The following IL17RA variants were observed in gnomAD, a reference collection of about 807,000 sequenced individuals.
IL17RA encodes interleukin-17 receptor A.
A neutral mutation model predicts 50.4 loss-of-function variants in IL17RA; 34 were observed. The observed-to-expected ratio is 0.67, with a 90% CI of 0.51 to 0.90. The LOEUF (loss-of-function observed/expected upper bound fraction) is 0.90. IL17RA is among the 40% of genes least tolerant of loss of function. IL17RA has a pLI of 0.00. For synonymous variants in IL17RA, 585 were observed against 510.4 expected, an observed-to-expected ratio of 1.15 and a Z score of -1.97; for missense variants, 1,276 against 1,169.8, an observed-to-expected ratio of 1.09 and a Z score of -1.32.
intron 11 of IL17RA, among the ~76,000 whole-genome samples, chr22:17,106,316 G>C (rs1233520590): frequency 1.3e-5 from 2 of 152,194 alleles, no homozygotes; most frequent in African/African-American, 4.8e-5. Context: ...GACGCCTGGG[G>C]TCAGGGAGAA....
At chr22:17,087,460 G>A (rs1408952698) in intron 1 of IL17RA, among the ~76,000 whole-genome samples, 2 of 152,246 alleles carry the variant, frequency 1.3e-5, no homozygotes, top group African/African-American at 2.4e-5. Context: ...GGAGGCTTCT[G>A]CACACCTGGC....
Position 17,110,044 on chromosome 22 carries a change from A to G in IL17RA, c.*224A>G. 1.7e-6 allele frequency: 1 copy of G among 585,554 alleles called. No individual in the cohort carries two copies. The highest frequency in any genetic ancestry group is 2.0e-5 in the South Asian group (1 of 49,638). The allele number at this position is 585,554 out of a possible 1,614,324, so 36.3% of individuals were successfully genotyped here. A position where few individuals can be genotyped will look rare whatever the true frequency, so the allele number is the denominator to read the frequency against. On this transcript the variant is annotated 3_prime_UTR_variant, in exon 13 of 13. Coordinates refer to ENST00000319363, the MANE Select transcript of IL17RA (RefSeq NM_014339.7). ...AGGGGAATCCACACAGCCCGCTCCC[A>G]GGAGCTAATGGTAGAGCGTCCTTGA...
At position 17,092,398 on chromosome 22, in the gene IL17RA, C is replaced by G. The variant is rs530573783; in HGVS notation, c.139-4664C>G. Among the ~76,000 whole-genome samples, 5 of 152,236 alleles carry G rather than the reference C, an allele frequency of 3.3e-5. No homozygotes were observed. In the South Asian group the frequency reaches 1.0e-3, roughly 32 times the overall value. ...AGGAGCATGAGAATCTCACGTTGAA[C>G]CCGGTTGGTCTTAGAAGTTCTGGAG... On this transcript the variant is annotated intron_variant, in intron 1 of 12. Coordinates refer to ENST00000319363, the MANE Select transcript of IL17RA (RefSeq NM_014339.7).
chr22:17,109,917 C>T lies in IL17RA; in HGVS notation c.*97C>T. The T allele has an allele frequency of 1.7e-6, 2 of 1,149,128 alleles. No homozygotes were observed. Among genetic ancestry groups the T allele is most frequent in the Non-Finnish European group, 2.5e-6 (2 of 811,682 alleles). 71.2% of individuals were successfully genotyped at this position (1,149,128 alleles called of 1,614,324 possible). A position where few individuals can be genotyped will look rare whatever the true frequency, so the allele number is the denominator to read the frequency against. On this transcript the variant is annotated 3_prime_UTR_variant, in exon 13 of 13. Coordinates refer to ENST00000319363, the MANE Select transcript of IL17RA (RefSeq NM_014339.7). ...GTACATGTCTGCATGTGTATATGTT[C>T]GTGTGTGAAATGTAGGCTTTAAAAT...
In IL17RA at chr22:17,113,112, G is replaced by C. The variant is rs1186869434; in HGVS notation, c.*3292G>C. ...CTAAAAAGGGTGGTGTTCGGTCTCTGAAACATCCATTCAGCAGTTTGAGCT... is the reference window on the plus strand; with the variant it reads ...CTAAAAAGGGTGGTGTTCGGTCTCTCAAACATCCATTCAGCAGTTTGAGCT... On this transcript the variant is annotated 3_prime_UTR_variant, in exon 13 of 13. Coordinates refer to ENST00000319363, the MANE Select transcript of IL17RA (RefSeq NM_014339.7). 6.6e-6 allele frequency: 1 copy of C among 151,882 alleles called. No individual in the cohort carries two copies. The highest frequency in any genetic ancestry group is 1.5e-5 in the Non-Finnish European group (1 of 68,016). The allele number at this position is 151,882 out of a possible 1,614,324, so 9.4% of individuals were successfully genotyped here.
In IL17RA at chr22:17,094,705, A is replaced by ATGTG. The variant is rs1394291183; in HGVS notation, c.139-2356_139-2355insGTGT. 7.5e-5 allele frequency among the ~76,000 whole-genome samples: 5 copies of ATGTG among 66,840 alleles called. 1 individual carries two copies. The highest frequency in any genetic ancestry group is 3.8e-4 in the East Asian group (1 of 2,616). The allele number at this position is 66,840 out of a possible 152,430, so 43.8% of individuals were successfully genotyped here. A position where few individuals can be genotyped will look rare whatever the true frequency, so the allele number is the denominator to read the frequency against. ...TCTCTCTCTCTCTATATATATATATATATATATATATATTCAGGGAGATCT... is the reference window on the plus strand; with the variant it reads ...TCTCTCTCTCTCTATATATATATATATGTGTATATATATATATTCAGGGAGATCT... On this transcript the variant is annotated intron_variant, in intron 1 of 12. Transcript: ENST00000319363.
rs1195103699 is a variant in IL17RA, at chr22:17,108,474, G to T, written c.1255G>T (p.Ala419Ser). The T allele has an allele frequency of 1.9e-6, 3 of 1,613,540 alleles. No homozygotes were observed. The highest frequency in any genetic ancestry group is 2.5e-6 in the Non-Finnish European group (3 of 1,180,042). ...GGCCCTGGACCTGCTGGAAGAGCAG[G>T]CCATCTCGGAGGCAGGAGTCATGAC... ...EVALDLLEEQ[A>S]ISEAGVMTWV... The change falls in exon 13 of 13, where the codon GCC (alanine) becomes TCC (serine). Residue 419 changes from alanine (A) to serine (S), a missense_variant. Ala to Ser is a moderately conservative substitution (Grantham distance 99, BLOSUM62 1). Transcript: ENST00000319363.
rs1468777104 is a variant in IL17RA at position 17,109,110 on chromosome 22, G to A, written c.1891G>A (p.Ala631Thr). The change falls in exon 13 of 13, where the codon GCC (alanine) becomes ACC (threonine). Residue 631 changes from alanine (A) to threonine (T), a missense_variant. Physicochemically the swap from Ala to Thr is moderately conservative, Grantham distance 58. Transcript: ENST00000319363. The part of the protein sequence containing the change: ...APLVREPGSQ[A>T]CLAIDPLVGE... ...CCTGGTGCGCGAGCCTGGCTCCCAG[G>A]CCTGCCTGGCCATAGACCCGCTGGT... 4 of 1,555,242 alleles carry A rather than the reference G, an allele frequency of 2.6e-6. No individual in the cohort carries two copies. The East Asian group carries it at 9.3e-5, about 36-fold the overall frequency.
chr22:17,101,756 ACCCAC>A (rs2061392212), intron 5 of IL17RA, among the ~76,000 whole-genome samples: 1 of 152,186 alleles, frequency 6.6e-6, no homozygotes, highest in Non-Finnish European at 1.5e-5. Context: ...TTGCTTGGTC[ACCCAC>A]AGCAAGCTCA....
rs1246198606 is a variant in IL17RA at position 17,114,103 on chromosome 22, A to G, written c.*4283A>G. 1.3e-5 allele frequency: 2 copies of G among 152,234 alleles called. No individual in the cohort carries two copies. Among genetic ancestry groups the G allele is most frequent in the Non-Finnish European group, 2.9e-5 (2 of 68,042 alleles). The allele number at this position is 152,234 out of a possible 1,614,324, so 9.4% of individuals were successfully genotyped here. On this transcript the variant is annotated 3_prime_UTR_variant, in exon 13 of 13. Transcript: ENST00000319363. ...GGCTGAGTGAACATGTCCATTGTGG[A>G]AAAATGGCAACAATATGGATTCCAT...
rs1463691793 is a variant in IL17RA, at chr22:17,110,494, T to G, written c.*674T>G. On this transcript the variant is annotated 3_prime_UTR_variant, in exon 13 of 13. Coordinates refer to ENST00000319363, the MANE Select transcript of IL17RA (RefSeq NM_014339.7). ...GCCTGGATGACAGAGCGAGACTCTA[T>G]CTCAAAAAAAAAAAAAAAAAAAGAT... is the stretch of plus-strand genomic sequence containing the variant. The G allele has an allele frequency of 3.4e-5, 3 of 88,050 alleles. No individual in the cohort carries two copies. The highest frequency in any genetic ancestry group is 6.8e-5 in the Non-Finnish European group (3 of 44,060). The allele number at this position is 88,050 out of a possible 1,614,324, so 5.5% of individuals were successfully genotyped here.
intron 1 of IL17RA, among the ~76,000 whole-genome samples, chr22:17,094,654 A>ACTCTCTCTCTCTCTCTCTCT (rs774982179): frequency 4.2e-4 from 9 of 21,620 alleles, no homozygotes; most frequent in East Asian, 6.9e-4. Flanking sequence ...AGTCATACAC[A>ACTCTCTCTCTCTCTCTCTCT]CACTCTCTCT....
At chr22:17,105,327 C>T (rs1319579659) in intron 9 of IL17RA, among the ~76,000 whole-genome samples, 2 of 152,212 alleles carry the variant, frequency 1.3e-5, no homozygotes, top group Admixed American at 6.5e-5. Context: ...GCTGCAGCCA[C>T]GTGCTCACCA....
chr22:17,102,778 C>T (rs932285637), intron 7 of IL17RA, among the ~76,000 whole-genome samples: 2 of 152,018 alleles, frequency 1.3e-5, no homozygotes, highest in African/African-American at 4.8e-5. Flanking sequence ...TGCACCCACT[C>T]TGGGGGACAG....
chr22:17,089,683 G>A (rs998009506), intron 1 of IL17RA, among the ~76,000 whole-genome samples: 25 of 152,108 alleles, frequency 1.6e-4, no homozygotes, highest in African/African-American at 4.6e-4. Context: ...GACCAGTCTG[G>A]GCAACATGGC....
rs372204111 is a variant in IL17RA at position 17,111,346 on chromosome 22, G to A, written c.*1526G>A. 54 of 152,362 alleles carry A rather than the reference G, an allele frequency of 3.5e-4. 1 individual carries two copies. Among genetic ancestry groups the A allele is most frequent in the East Asian group, 2.7e-3 (14 of 5,176 alleles). The allele number at this position is 152,362 out of a possible 1,614,324, so 9.4% of individuals were successfully genotyped here. ...CTGTTAGCACGTAGGATTCTTCAGA[G>A]CAGCTGGGCTGGAGCTCCCCTGAGC... On this transcript the variant is annotated 3_prime_UTR_variant, in exon 13 of 13. Coordinates refer to ENST00000319363, the MANE Select transcript of IL17RA (RefSeq NM_014339.7).
intron 2 of IL17RA, chr22:17,097,395 A>G: frequency 1.9e-6 from 1 of 526,746 alleles, no homozygotes; most frequent in South Asian, 2.1e-5. Flanking sequence ...GTAAAGTGAG[A>G]GACATCTGTG....
In IL17RA at chr22:17,108,650, C is replaced by T; in HGVS notation, c.1431C>T (p.Asp477=). 1 of 1,606,874 alleles carries T rather than the reference C, an allele frequency of 6.2e-7. No individual in the cohort carries two copies. The highest frequency in any genetic ancestry group is 1.3e-5 in the African/African-American group (1 of 75,040). ...LRCDHGKPVG[D]LFTAAMNMIL... is the part of the protein sequence containing the mutation. ...GCGACCACGGAAAGCCCGTGGGGGA[C>T]CTGTTCACTGCAGCCATGAACATGA... is the stretch of plus-strand genomic sequence containing the variant. Residue 477 remains aspartate, a synonymous_variant, in exon 13 of 13, where the codon GAC becomes GAT. Transcript: ENST00000319363.
chr22:17,086,556 G>A (rs1787033002), intron 1 of IL17RA, among the ~76,000 whole-genome samples: 2 of 152,078 alleles, frequency 1.3e-5, no homozygotes, highest in Non-Finnish European at 2.9e-5. Context: ...GCAGAGTACA[G>A]GGCGCCATAC....
Sources: allele counts gnomAD v4.1 joint callset (sites outside exome capture counted in the v4.1 genomes callset), GRCh38; gene constraint gnomAD v4.1.1; transcripts MANE v1.5; gene names NCBI Gene and HGNC (gene_info 2026-07-23, HGNC 2026-07-21).